Variants in GSG1L observed in about 807,000 individuals in gnomAD.
The protein encoded by GSG1L is germ cell-specific gene 1-like protein.
In GSG1L, 24 loss-of-function variants were observed where a neutral mutation model predicts 42.1. The ratio of observed to expected loss-of-function variants is 0.57; its 90% CI spans 0.41 to 0.80. The LOEUF (loss-of-function observed/expected upper bound fraction) is 0.80. GSG1L is among the 30% of genes least tolerant of loss of function. The probability of loss-of-function intolerance (pLI) is 0.00; values close to 1 mark genes in which losing one functional copy is unlikely to be tolerated. For synonymous variants in GSG1L, 215 were observed against 203.5 expected, an observed-to-expected ratio of 1.06 and a Z score of -0.48; for missense variants, 445 against 472.2, an observed-to-expected ratio of 0.94 and a Z score of 0.53.
intron 1 of GSG1L, among the ~76,000 whole-genome samples, chr16:28,043,036 A>C (rs2086125031): frequency 1.3e-5 from 2 of 152,216 alleles, no homozygotes; most frequent in Admixed American, 1.3e-4. Context: ...TGTTAGTGGC[A>C]CCGAGCTCCA....
rs1222817636 is a variant in GSG1L at position 27,888,138 on chromosome 16, T to C, written c.398-3500A>G. ...CAGGGACTGCCCCTCATCATGGCGC[T>C]GCTCACTGACTCAGCTGCCTCCCCC... is the stretch of plus-strand genomic sequence containing the variant. On this transcript the variant is annotated intron_variant, in intron 2 of 6. Coordinates refer to ENST00000447459, the MANE Select transcript of GSG1L (RefSeq NM_001109763.2). 10 of 985,456 alleles carry C rather than the reference T, an allele frequency of 1.0e-5. No individual in the cohort carries two copies. In the African/African-American group the frequency reaches 1.7e-4, roughly 17 times the overall value. The allele number at this position is 985,456 out of a possible 1,614,324, so 61.0% of individuals were successfully genotyped here.
intron 2 of GSG1L, among the ~76,000 whole-genome samples, chr16:27,947,115 G>A (rs1196270382): frequency 2.0e-5 from 3 of 152,096 alleles, no homozygotes; most frequent in African/African-American, 7.2e-5. Context: ...CTGACCTGGA[G>A]CAAGTTTTGT....
intron 5 of GSG1L, among the ~76,000 whole-genome samples, chr16:27,817,225 A>G (rs967147319): frequency 7.9e-5 from 12 of 152,154 alleles, no homozygotes; most frequent in African/African-American, 2.9e-4. Context: ...ACCAGGCCCC[A>G]TCTCTGCTGT....
At chr16:27,876,513 C>T (rs1243899648) in intron 3 of GSG1L, among the ~76,000 whole-genome samples, 4 of 152,222 alleles carry the variant, frequency 2.6e-5, no homozygotes, top group Admixed American at 2.6e-4. Flanking sequence ...TCCTAAAAGG[C>T]AGCACAGATG....
intron 5 of GSG1L, among the ~76,000 whole-genome samples, chr16:27,825,602 A>G (rs910631730): frequency 6.6e-6 from 1 of 152,210 alleles, no homozygotes; most frequent in Admixed American, 6.5e-5. Context: ...TCGAGGCTGC[A>G]GTGAGCTGTG....
At chr16:28,051,424 A>G (rs946655688) in intron 1 of GSG1L, among the ~76,000 whole-genome samples, 3 of 151,264 alleles carry the variant, frequency 2.0e-5, no homozygotes, top group African/African-American at 7.3e-5. Context: ...TCAGACAGTG[A>G]TTTGCAAAAG....
intron 1 of GSG1L, among the ~76,000 whole-genome samples, chr16:27,967,114 G>T (rs763764): frequency 0.45 from 67,833 of 152,032 alleles, 15,929 homozygotes; most frequent in South Asian, 0.64. Flanking sequence ...TGGGTCAAAA[G>T]GGACCAATGT....
At chr16:27,899,327 G>A (rs1466007174) in intron 2 of GSG1L, among the ~76,000 whole-genome samples, 2 of 152,226 alleles carry the variant, frequency 1.3e-5, no homozygotes, top group Non-Finnish European at 2.9e-5. Flanking sequence ...GGCTGTGCTA[G>A]GGACTTTCTG....
At position 28,001,824 on chromosome 16, in the gene GSG1L, C is replaced by T. The variant is rs147102291; in HGVS notation, c.350-38621G>A. On this transcript the variant is annotated intron_variant, in intron 1 of 6. Coordinates refer to ENST00000447459, the MANE Select transcript of GSG1L (RefSeq NM_001109763.2). ...AGGCAGAACTGAGTCACCTCTGCTA[C>T]GATCACCACTCCGTGCAGCCTGGCA... Among the ~76,000 whole-genome samples the T allele has an allele frequency of 9.8e-5, 15 of 152,362 alleles. No individual in the cohort carries two copies. In the East Asian group the frequency reaches 2.5e-3, roughly 25 times the overall value.
intron 2 of GSG1L, among the ~76,000 whole-genome samples, chr16:27,926,364 G>A (rs556479978): frequency 3.3e-5 from 5 of 152,264 alleles, no homozygotes; most frequent in South Asian, 2.1e-4. Flanking sequence ...GGGTGGAGGC[G>A]GCAGACAACT....
chr16:27,885,571 C>T (rs539355008), intron 2 of GSG1L, among the ~76,000 whole-genome samples: 1 of 152,344 alleles, frequency 6.6e-6, no homozygotes, highest in South Asian at 2.1e-4. Context: ...TTGCTACTCC[C>T]ACACTTCAAC....
At chr16:27,971,267 C>A (rs978461611) in intron 1 of GSG1L, among the ~76,000 whole-genome samples, 1 of 152,170 alleles carries the variant, frequency 6.6e-6, no homozygotes, top group Admixed American at 6.5e-5. Flanking sequence ...ATTAAAACTT[C>A]AAATCCATGA....
intron 2 of GSG1L, among the ~76,000 whole-genome samples, chr16:27,923,946 T>A (rs1350348745): frequency 6.6e-6 from 1 of 152,110 alleles, no homozygotes; most frequent in Non-Finnish European, 1.5e-5. Flanking sequence ...ACACTTGCTC[T>A]GTGACTTTGG....
At chr16:28,004,942 A>G (rs1196474423) in intron 1 of GSG1L, among the ~76,000 whole-genome samples, 2 of 152,152 alleles carry the variant, frequency 1.3e-5, no homozygotes, top group Admixed American at 6.5e-5. Flanking sequence ...GCCACAACTA[A>G]TGACAAGTTA....
chr16:27,799,649 G>A (rs1262871628), intron 6 of GSG1L, among the ~76,000 whole-genome samples: 2 of 152,030 alleles, frequency 1.3e-5, no homozygotes, highest in East Asian at 3.8e-4. Context: ...GGAGGGGAAG[G>A]CGAGAGAAGG....
In GSG1L at chr16:28,006,854, C is replaced by T. The variant is rs1158533302; in HGVS notation, c.350-43651G>A. ...TAGGGGTAGTGAGCCACCCTAGCAA[C>T]CATGGAGAGGCCGGCCCACCTGGAG... On this transcript the variant is annotated intron_variant, in intron 1 of 6. Transcript: ENST00000447459. Among the ~76,000 whole-genome samples the T allele has an allele frequency of 2.0e-5, 3 of 152,302 alleles. No homozygotes were observed. In the South Asian group the frequency reaches 6.2e-4, roughly 32 times the overall value.
intron 2 of GSG1L, among the ~76,000 whole-genome samples, chr16:27,932,523 T>G (rs1299883506): frequency 2.6e-5 from 4 of 152,112 alleles, no homozygotes; most frequent in Admixed American, 6.5e-5. Context: ...AGGTAGGAGA[T>G]GCCACACAAC....
At chr16:27,939,581 A>G (rs528586014) in intron 2 of GSG1L, among the ~76,000 whole-genome samples, 7 of 152,318 alleles carry the variant, frequency 4.6e-5, no homozygotes, top group African/African-American at 1.7e-4. Context: ...AGGCCACCAG[A>G]ACAGGACTTC....
intron 1 of GSG1L, among the ~76,000 whole-genome samples, chr16:28,008,558 C>T (rs1344842855): frequency 6.6e-6 from 1 of 152,190 alleles, no homozygotes; most frequent in East Asian, 1.9e-4. Flanking sequence ...CTCCCTGCCT[C>T]CCCTCTCACT....
Sources: allele counts gnomAD v4.1 joint callset (sites outside exome capture counted in the v4.1 genomes callset), GRCh38; gene constraint gnomAD v4.1.1; transcripts MANE v1.5; gene names NCBI Gene and HGNC (gene_info 2026-07-23, HGNC 2026-07-21).